Variants in KCNH7 observed in about 807,000 individuals in gnomAD.
The protein encoded by KCNH7 is voltage-gated inwardly rectifying potassium channel KCNH7.
A neutral mutation model predicts 120.8 loss-of-function variants in KCNH7; 49 were observed. The observed-to-expected ratio is 0.41, with a 90% confidence interval of 0.32 to 0.51. KCNH7 has a LOEUF of 0.51. Among genes scored for constraint, KCNH7 ranks in the 20% least tolerant of loss-of-function variants. KCNH7 has a pLI of 0.38. For synonymous variants in KCNH7, 547 were observed against 516.1 expected (o/e 1.06, Z -0.81); for missense variants, 1,097 against 1,446.6 (o/e 0.76, Z 3.92).
At chr2:162,421,529 G>A (rs895942032) in intron 9 of KCNH7, among the ~76,000 whole-genome samples, 5 of 152,102 alleles carry the variant, frequency 3.3e-5, no homozygotes, top group African/African-American at 1.2e-4. Context: ...ACTAACACTG[G>A]AAATCATTTA....
Position 162,449,781 on chromosome 2 carries a change from T to C in KCNH7, c.1129-3338A>G, listed in dbSNP as rs1395687982. ...GATTTCAGACTTCTAGACCACAGAA[T>C]TGTGCAAAAATAAACTTCTGTTGTC... On this transcript the variant is annotated intron_variant, in intron 6 of 15. Coordinates refer to ENST00000332142, the MANE Select transcript of KCNH7 (RefSeq NM_033272.4). Among the ~76,000 whole-genome samples the C allele has an allele frequency of 2.6e-5, 4 of 152,056 alleles. No individual in the cohort carries two copies. In the East Asian group the frequency reaches 5.8e-4, roughly 22 times the overall value.
At chr2:162,553,696 C>T (rs2105863354) in intron 2 of KCNH7, among the ~76,000 whole-genome samples, 1 of 152,080 alleles carries the variant, frequency 6.6e-6, no homozygotes, top group South Asian at 2.1e-4. Context: ...TGAGCATTGT[C>T]AGGAAGGGTG....
intron 2 of KCNH7, among the ~76,000 whole-genome samples, chr2:162,799,754 C>T (rs1316851709): frequency 6.6e-6 from 1 of 151,930 alleles, no homozygotes; most frequent in Non-Finnish European, 1.5e-5. Context: ...GAACAGACTG[C>T]TGTCATGCGA....
chr2:162,792,033 T>G (rs1164064132), intron 2 of KCNH7, among the ~76,000 whole-genome samples: 1 of 152,042 alleles, frequency 6.6e-6, no homozygotes, highest in East Asian at 1.9e-4. Flanking sequence ...CTGCATCTAT[T>G]GAGATAATCA....
At chr2:162,785,617 G>T (rs924427373) in intron 2 of KCNH7, among the ~76,000 whole-genome samples, 1 of 152,086 alleles carries the variant, frequency 6.6e-6, no homozygotes, top group African/African-American at 2.4e-5. Context: ...AATTAAAAAG[G>T]AAGGCTTTCT....
chr2:162,445,880 G>T, intron 7 of KCNH7, 138 bp downstream of exon 7: 1 of 682,202 alleles, frequency 1.5e-6, no homozygotes, highest in Non-Finnish European at 2.4e-6. Context: ...ATTTCATTCT[G>T]TAGTATCCCC....
At chr2:162,656,664 GATATGGTAGAAAACAAAGTTTTGGTC>G (rs1181270779) in intron 2 of KCNH7, among the ~76,000 whole-genome samples, 1 of 152,146 alleles carries the variant, frequency 6.6e-6, no homozygotes, top group African/African-American at 2.4e-5. Context: ...CATGTTTGAT[GATATGGTAGAAAACAAAGTTTTGGTC>G]ATATGGTAGA....
chr2:162,700,476 T>C (rs34390554), intron 2 of KCNH7, among the ~76,000 whole-genome samples: 2,074 of 152,224 alleles, frequency 0.014, 24 homozygotes, highest in South Asian at 0.035. Flanking sequence ...AAATGTATCT[T>C]TTTGGTACGT....
At chr2:162,803,557 G>T (rs1349068609) in intron 2 of KCNH7, among the ~76,000 whole-genome samples, 1 of 151,638 alleles carries the variant, frequency 6.6e-6, no homozygotes, top group Non-Finnish European at 1.5e-5. Context: ...TAGCCTAAAT[G>T]CTTTTTACTG....
intron 2 of KCNH7, among the ~76,000 whole-genome samples, chr2:162,646,902 C>A (rs544485617): frequency 3.3e-4 from 51 of 152,286 alleles, no homozygotes; most frequent in African/African-American, 1.2e-3. Context: ...GCAAAAAACC[C>A]AGCTGAGTCC....
At chr2:162,633,542 C>T (rs560294523) in intron 2 of KCNH7, among the ~76,000 whole-genome samples, 16 of 152,028 alleles carry the variant, frequency 1.1e-4, no homozygotes, top group African/African-American at 3.9e-4. Context: ...TTTCCCTACA[C>T]CCATCAGATA....
At chr2:162,544,835 T>C (rs1385856) in intron 2 of KCNH7, among the ~76,000 whole-genome samples, 2,411 of 152,248 alleles carry the variant, frequency 0.016, 62 homozygotes, top group East Asian at 0.096. Context: ...CAGTCCTACA[T>C]TGGCTCATGA....
At chr2:162,742,201 G>A (rs1461959875) in intron 2 of KCNH7, among the ~76,000 whole-genome samples, 1 of 152,148 alleles carries the variant, frequency 6.6e-6, no homozygotes, top group African/African-American at 2.4e-5. Context: ...TAAGATCCAT[G>A]TGACCTGGAA....
intron 2 of KCNH7, among the ~76,000 whole-genome samples, chr2:162,659,057 G>A (rs1684866383): frequency 6.6e-6 from 1 of 152,142 alleles, no homozygotes; most frequent in Non-Finnish European, 1.5e-5. Flanking sequence ...ATCTTAGAGG[G>A]AACAACTACT....
intron 2 of KCNH7, among the ~76,000 whole-genome samples, chr2:162,788,298 T>C (rs973173265): frequency 1.3e-5 from 2 of 152,154 alleles, no homozygotes; most frequent in East Asian, 1.9e-4. Flanking sequence ...CCATCATAAG[T>C]TGAGAACCAT....
At chr2:162,762,048 C>T (rs1559120965) in intron 2 of KCNH7, among the ~76,000 whole-genome samples, 2 of 152,042 alleles carry the variant, frequency 1.3e-5, no homozygotes, top group South Asian at 2.1e-4. Flanking sequence ...CAACATTCAG[C>T]GTTGCTCTCT....
intron 2 of KCNH7, among the ~76,000 whole-genome samples, chr2:162,685,790 C>T (rs1388481909): frequency 2.0e-5 from 3 of 151,126 alleles, no homozygotes; most frequent in African/African-American, 7.3e-5. Context: ...AGAAATGTGT[C>T]AGGTCCTGGC....
At chr2:162,827,556 T>C (rs1156774549) in intron 2 of KCNH7, among the ~76,000 whole-genome samples, 1 of 152,184 alleles carries the variant, frequency 6.6e-6, no homozygotes, top group Non-Finnish European at 1.5e-5. Flanking sequence ...GATAAAGTTC[T>C]GTTAAAAATG....
At chr2:162,536,341 C>A (rs1455853152) in intron 3 of KCNH7, among the ~76,000 whole-genome samples, 3 of 151,976 alleles carry the variant, frequency 2.0e-5, no homozygotes, top group Admixed American at 6.6e-5. Flanking sequence ...AATATATGGA[C>A]CTTACTCATA....
Sources: allele counts gnomAD v4.1 joint callset (sites outside exome capture counted in the v4.1 genomes callset), GRCh38; gene constraint gnomAD v4.1.1; transcripts MANE v1.5; gene names NCBI Gene and HGNC (gene_info 2026-07-23, HGNC 2026-07-21).